The following SPON1 variants were observed in gnomAD, a reference collection of about 807,000 sequenced individuals.
SPON1 encodes spondin 1, also known as spondin-1.
In SPON1, 52 loss-of-function variants were observed where a neutral mutation model predicts 111.7. The ratio of observed to expected loss-of-function variants is 0.47; its 90% CI spans 0.37 to 0.59. The LOEUF (loss-of-function observed/expected upper bound fraction) is 0.59. Ranked by LOEUF, SPON1 falls within the 20% of genes least tolerant of loss-of-function variation. The pLI, the probability that SPON1 is intolerant of heterozygous loss-of-function variation, is 0.00. For missense variants in SPON1, 957 were observed against 1,068.5 expected (o/e 0.90, Z 1.46); for synonymous variants, 410 against 395.8 (o/e 1.04, Z -0.43).
chr11:14,260,501 G>A, intron 13 of SPON1, 87 bp from the exon 14 acceptor site: 2 of 1,425,332 alleles, frequency 1.4e-6, no homozygotes, highest in South Asian at 1.4e-5. Flanking sequence ...CAAAGCAGGG[G>A]ACTCGGTGTG....
intron 6 of SPON1, among the ~76,000 whole-genome samples, chr11:14,179,395 A>G (rs1209438221): frequency 6.6e-6 from 1 of 152,102 alleles, no homozygotes; most frequent in Non-Finnish European, 1.5e-5. Context: ...TTTACAGAAC[A>G]CTCCATACTC....
intron 4 of SPON1, among the ~76,000 whole-genome samples, chr11:14,077,160 T>G (rs1274175305): frequency 2.0e-5 from 3 of 152,156 alleles, no homozygotes; most frequent in Admixed American, 1.3e-4. Context: ...TGCACATTAG[T>G]TAATGATTGA....
At chr11:14,173,135 A>C (rs1848127798) in intron 6 of SPON1, among the ~76,000 whole-genome samples, 1 of 151,912 alleles carries the variant, frequency 6.6e-6, no homozygotes, top group African/African-American at 2.4e-5. Flanking sequence ...TACACCAATC[A>C]GATGTAGATT....
At chr11:14,254,867 C>T in intron 8 of SPON1, 138 bp downstream of exon 8, 2 of 800,018 alleles carry the variant, frequency 2.5e-6, no homozygotes, top group Admixed American at 5.3e-5. Flanking sequence ...ATGGTCGCAT[C>T]ATCACATATG....
chr11:14,267,438 A>G lies in SPON1; in HGVS notation c.*1751A>G, dbSNP rs1554942596. Reference sequence around the variant, plus strand: ...AAACACAAGATTTAATTATTTTTCTACTTGGGGGGAAAAAAGTCCTCATGT... The same window carrying G: ...AAACACAAGATTTAATTATTTTTCTGCTTGGGGGGAAAAAAGTCCTCATGT... On this transcript the variant is annotated 3_prime_UTR_variant, in exon 16 of 16. Coordinates refer to ENST00000576479, the MANE Select transcript of SPON1 (RefSeq NM_006108.4). The G allele has an allele frequency of 1.4e-5, 2 of 138,970 alleles. No homozygotes were observed. The highest frequency in any genetic ancestry group is 3.3e-5 in the Non-Finnish European group (2 of 60,920). 8.6% of individuals were successfully genotyped at this position (138,970 alleles called of 1,614,324 possible).
chr11:14,016,509 A>G (rs1213696155), intron 2 of SPON1, among the ~76,000 whole-genome samples: 3 of 152,196 alleles, frequency 2.0e-5, no homozygotes, highest in Non-Finnish European at 4.4e-5. Context: ...TGTTTTCTAA[A>G]TTTGATTAGC....
intron 5 of SPON1, among the ~76,000 whole-genome samples, chr11:14,109,151 T>C (rs1456058026): frequency 2.6e-5 from 4 of 152,192 alleles, no homozygotes; most frequent in African/African-American, 9.7e-5. Context: ...TACAACTCTT[T>C]GTGCCCTTCC....
chr11:14,260,104 A>G (rs1250961633), intron 13 of SPON1, among the ~76,000 whole-genome samples: 1 of 152,224 alleles, frequency 6.6e-6, no homozygotes, highest in Non-Finnish European at 1.5e-5. Flanking sequence ...CCCATAAAGC[A>G]TGACCTCCCC....
chr11:14,021,750 G>A (rs1324338084), intron 2 of SPON1, among the ~76,000 whole-genome samples: 3 of 152,142 alleles, frequency 2.0e-5, no homozygotes, highest in Non-Finnish European at 4.4e-5. Flanking sequence ...CTTCTTCCAA[G>A]GACTGAACAT....
At chr11:14,212,119 AT>A (rs11395049) in intron 6 of SPON1, among the ~76,000 whole-genome samples, 14,391 of 146,942 alleles carry the variant, frequency 0.098, 712 homozygotes, top group East Asian at 0.17. Flanking sequence ...TCTTTTATTG[AT>A]TTTTTTTTTT....
chr11:14,147,500 C>T (rs1442662849), intron 6 of SPON1, among the ~76,000 whole-genome samples: 4 of 152,180 alleles, frequency 2.6e-5, no homozygotes, highest in African/African-American at 9.6e-5. Context: ...TCACTGCAAC[C>T]TCTGCCTCCA....
intron 2 of SPON1, among the ~76,000 whole-genome samples, chr11:13,999,794 T>C (rs560401418): frequency 6.6e-6 from 1 of 152,276 alleles, no homozygotes; most frequent in African/African-American, 2.4e-5. Flanking sequence ...TATATAACCT[T>C]TGCCAAGTTA....
At chr11:14,198,676 A>G (rs1554935300) in intron 6 of SPON1, among the ~76,000 whole-genome samples, 1 of 152,198 alleles carries the variant, frequency 6.6e-6, no homozygotes, top group Non-Finnish European at 1.5e-5. Context: ...CCCTGGACTC[A>G]GCACCTCTTT....
intron 2 of SPON1, among the ~76,000 whole-genome samples, chr11:14,001,271 A>G (rs1041709666): frequency 5.3e-5 from 8 of 152,218 alleles, no homozygotes; most frequent in Non-Finnish European, 5.9e-5. Flanking sequence ...TGGGAGCCCA[A>G]TCCTGAAGGG....
intron 6 of SPON1, among the ~76,000 whole-genome samples, chr11:14,235,678 CAAAAAAAA>C (rs56925967): frequency 0.015 from 1,051 of 71,416 alleles, 17 homozygotes; most frequent in African/African-American, 0.051. Flanking sequence ...GACCCTGCCT[CAAAAAAAA>C]AAAAAAAAAA....
At chr11:14,037,288 A>G (rs930584507) in intron 2 of SPON1, among the ~76,000 whole-genome samples, 3 of 152,150 alleles carry the variant, frequency 2.0e-5, no homozygotes, top group Non-Finnish European at 4.4e-5. Context: ...TTGGAGCACA[A>G]GTTGAATCCA....
intron 6 of SPON1, among the ~76,000 whole-genome samples, chr11:14,239,005 T>C (rs566141069): frequency 7.0e-4 from 106 of 152,304 alleles, no homozygotes; most frequent in Non-Finnish European, 1.1e-3. Context: ...AAGCTTTTCA[T>C]TTAAGTCTGA....
intron 6 of SPON1, among the ~76,000 whole-genome samples, chr11:14,234,451 C>A (rs1554939038): frequency 6.6e-6 from 1 of 152,206 alleles, no homozygotes; most frequent in East Asian, 1.9e-4. Context: ...CCTTTGCTCA[C>A]TGATTTTACT....
At chr11:14,046,448 TATTTTTCCCCAAATGGGTA>T (rs1331407339) in intron 3 of SPON1, among the ~76,000 whole-genome samples, 1 of 152,222 alleles carries the variant, frequency 6.6e-6, no homozygotes, top group Non-Finnish European at 1.5e-5. Context: ...GAAATCTACC[TATTTTTCCCCAAATGGGTA>T]GTTGTCCCCC....
Sources: gnomAD v4.1 joint callset for allele counts (sites outside exome capture counted in the v4.1 genomes callset) on GRCh38, gnomAD v4.1.1 for gene constraint, MANE v1.5 for transcripts, NCBI Gene and HGNC (gene_info 2026-07-23, HGNC 2026-07-21) for gene names.